Variants in FRMPD3 observed in about 807,000 individuals in gnomAD.
FRMPD3 encodes the protein FERM and PDZ domain containing 3.
A neutral mutation model predicts 97.9 loss-of-function variants in FRMPD3; 42 were observed. The observed-to-expected ratio is 0.43, with a 90% CI of 0.34 to 0.55. The LOEUF (loss-of-function observed/expected upper bound fraction) is 0.55, where lower values mean the gene tolerates loss of function less well. Among genes scored for constraint, FRMPD3 ranks in the 20% least tolerant of loss-of-function variants. FRMPD3 has a pLI of 0.03. For missense variants in FRMPD3, 1,303 were observed against 1,457.7 expected (o/e 0.89, Z 1.73); for synonymous variants, 577 against 581.1 (o/e 0.99, Z 0.10).
chrX:107,600,470 C>T lies in FRMPD3; in HGVS notation c.2431C>T (p.Arg811Cys), dbSNP rs542524568. The T allele has an allele frequency of 4.6e-5, 55 of 1,208,452 alleles. No individual in the cohort carries two copies. The South Asian group carries it at 7.4e-4, about 16-fold the overall frequency. The stretch of plus-strand genomic sequence containing the variant: ...CCTCAACAAGGACAGCCTCCTTGCC[C>T]GCAAGGACCTGCCCTTCCGGATCCA... ...QHLNKDSLLA[R>C]KDLPFRIQSC... Residue 811 changes from arginine (R) to cysteine (C), a missense_variant, in exon 15 of 15, where the codon CGC becomes TGC. Physicochemically the swap from Arg to Cys is radical, Grantham distance 180. This residue lies in a region of FRMPD3 where 764 missense variants were observed against 820.2 expected (regional missense o/e 0.93). Coordinates refer to ENST00000683843, the MANE Select transcript of FRMPD3 (RefSeq NM_001388459.1).
At chrX:107,469,871 T>C (rs1718573499) in intron 1 of FRMPD3, among the ~76,000 whole-genome samples, 1 of 112,207 alleles carries the variant, frequency 8.9e-6, no homozygotes, top group African/African-American at 3.2e-5. Flanking sequence ...CTGCCCTTAA[T>C]TTGTATATTT....
rs1332114072 is a variant in FRMPD3 at position 107,601,475 on chromosome X, A to C, written c.3436A>C (p.Ser1146Arg). ...CTGCCAGTCAAGAAGCCACAGCCCC[A>C]GCTGCCAGCCTCATGGCCACAGCCC... is the stretch of plus-strand genomic sequence containing the variant. Reference protein sequence around the residue: ...PSCQSRSHSPSCQPHGHSPSS... With the variant: ...PSCQSRSHSPRCQPHGHSPSS... Residue 1146 changes from serine (S) to arginine (R), a missense_variant, in exon 15 of 15, where the codon AGC becomes CGC. Ser to Arg is a moderately radical substitution (Grantham distance 110, BLOSUM62 -1). This residue lies in a region of FRMPD3 where 764 missense variants were observed against 820.2 expected (regional missense o/e 0.93). Transcript: ENST00000683843. 8.5e-7 allele frequency: 1 copy of C among 1,170,805 alleles called. No individual in the cohort carries two copies. Among genetic ancestry groups the C allele is most frequent in the Non-Finnish European group, 1.1e-6 (1 of 875,629 alleles).
intron 1 of FRMPD3, among the ~76,000 whole-genome samples, chrX:107,517,578 G>C (rs958732876): frequency 9.1e-6 from 1 of 110,118 alleles, no homozygotes; most frequent in African/African-American, 3.3e-5. Flanking sequence ...TGGCCAACAT[G>C]GCAAAACCTT....
At chrX:107,506,859 G>A (rs1922042579) in intron 1 of FRMPD3, among the ~76,000 whole-genome samples, 1 of 112,076 alleles carries the variant, frequency 8.9e-6, no homozygotes, top group Non-Finnish European at 1.9e-5. Flanking sequence ...GGTTTCTAAG[G>A]CAGGTTTCTA....
chrX:107,527,839 C>A (rs772982810), intron 2 of FRMPD3, among the ~76,000 whole-genome samples: 18 of 111,062 alleles, frequency 1.6e-4, no homozygotes, highest in African/African-American at 2.3e-4. Context: ...GGAAAAAAAA[C>A]ACACACACAC....
chrX:107,497,934 A>G lies in FRMPD3; in HGVS notation c.-7-28648A>G, dbSNP rs191940541. Among the ~76,000 whole-genome samples, 13 of 111,386 alleles carry G rather than the reference A, an allele frequency of 1.2e-4. No individual in the cohort carries two copies. In the East Asian group the frequency reaches 3.7e-3, roughly 32 times the overall value. ...GTGTGTGCATGCACGTGCATGTGGC[A>G]TTGGGATTGTCACTCTATGGGAACT... On this transcript the variant is annotated intron_variant, in intron 1 of 14. Coordinates refer to ENST00000683843, the MANE Select transcript of FRMPD3 (RefSeq NM_001388459.1).
At chrX:107,587,116 T>A (rs903951968) in intron 13 of FRMPD3, among the ~76,000 whole-genome samples, 1 of 112,170 alleles carries the variant, frequency 8.9e-6, no homozygotes, top group African/African-American at 3.2e-5. Flanking sequence ...GAACTTGTTT[T>A]ATGAATCTGA....
At position 107,603,279 on chromosome X, in the gene FRMPD3, C is replaced by T. The variant is rs1229806725; in HGVS notation, c.5240C>T (p.Ala1747Val). 9.5e-7 allele frequency: 1 copy of T among 1,047,906 alleles called. No homozygotes were observed. The highest frequency in any genetic ancestry group is 3.7e-5 in the East Asian group (1 of 27,093). 86.4% of individuals were successfully genotyped at this position (1,047,906 alleles called of 1,213,427 possible). A position where few individuals can be genotyped will look rare whatever the true frequency, so the allele number is the denominator to read the frequency against. ...CAGCAGCAGCAGCAGGTGGCAGCAG[C>T]TGCAGGGGCAGCCACAGAGCATCCA... ...QQQQQQQVAA[A>V]AGAATEHPPG... The change falls in exon 15 of 15, where the codon GCT becomes GTT. Residue 1747 changes from alanine to valine, a missense_variant. Physicochemically the swap from Ala to Val is moderately conservative, Grantham distance 64 (BLOSUM62 0). Around this residue, in one of 3 missense-constraint regions of FRMPD3, gnomAD observed 764 missense variants for 820.2 expected, o/e 0.93. Coordinates refer to ENST00000683843, the MANE Select transcript of FRMPD3 (RefSeq NM_001388459.1).
chrX:107,465,262 AG>A (rs1420248745), intron 1 of FRMPD3, among the ~76,000 whole-genome samples: 1 of 111,195 alleles, frequency 9.0e-6, no homozygotes, highest in Non-Finnish European at 1.9e-5. Context: ...ACTGTATGTC[AG>A]GAGTTTGAGA....
rs1237716704 is a variant in FRMPD3, at chrX:107,601,902, G to A, written c.3863G>A (p.Gly1288Glu). ...CTCCGCAGCAGCCCTGTGCAGCAGGGGCCTGGCATGTCCCGTGAGCAGAGG... is the reference window on the plus strand; with the variant it reads ...CTCCGCAGCAGCCCTGTGCAGCAGGAGCCTGGCATGTCCCGTGAGCAGAGG... ...CQLRSSPVQQ[G>E]PGMSREQRRS... is the part of the protein sequence containing the mutation. Residue 1288 changes from glycine (G) to glutamate (E), a missense_variant, in exon 15 of 15, where the codon GGG (glycine) becomes GAG (glutamate). This residue lies in a region of FRMPD3 where 764 missense variants were observed against 820.2 expected (regional missense o/e 0.93). Coordinates refer to ENST00000683843, the MANE Select transcript of FRMPD3 (RefSeq NM_001388459.1). 1 of 1,197,422 alleles carries A rather than the reference G, an allele frequency of 8.4e-7. No homozygotes were observed. Among genetic ancestry groups the A allele is most frequent in the Admixed American group, 2.3e-5 (1 of 44,170 alleles).
At chrX:107,550,988 T>C (rs1472445316) in intron 6 of FRMPD3, among the ~76,000 whole-genome samples, 1 of 111,829 alleles carries the variant, frequency 8.9e-6, no homozygotes, top group African/African-American at 3.3e-5. Context: ...GTAAAGAAAC[T>C]CTTGGACCAA....
chrX:107,456,252 C>T (rs929867913), intron 1 of FRMPD3, among the ~76,000 whole-genome samples: 6 of 110,346 alleles, frequency 5.4e-5, no homozygotes, highest in Non-Finnish European at 1.1e-4. Flanking sequence ...CTAACCTGGT[C>T]TCCAATTCCT....
At chrX:107,583,627 T>A (rs1923500336) in intron 13 of FRMPD3, among the ~76,000 whole-genome samples, 1 of 111,736 alleles carries the variant, frequency 8.9e-6, no homozygotes, top group Admixed American at 9.5e-5. Flanking sequence ...CTGAGTCAAA[T>A]GGTATTTCTG....
At chrX:107,488,162 C>T (rs1428666630) in intron 1 of FRMPD3, among the ~76,000 whole-genome samples, 3 of 112,031 alleles carry the variant, frequency 2.7e-5, no homozygotes, top group Non-Finnish European at 5.6e-5. Context: ...TCAAGGCAAG[C>T]AGCTTATCAA....
At chrX:107,498,305 G>C (rs1921823265) in intron 1 of FRMPD3, among the ~76,000 whole-genome samples, 1 of 112,223 alleles carries the variant, frequency 8.9e-6, no homozygotes. Flanking sequence ...ACCACATTAG[G>C]TAGCAGTGGA....
intron 5 of FRMPD3, among the ~76,000 whole-genome samples, chrX:107,547,669 G>A (rs1033357331): frequency 1.8e-5 from 2 of 111,373 alleles, no homozygotes; most frequent in Non-Finnish European, 1.9e-5. Flanking sequence ...CCATGCTGCC[G>A]CCAGTATGGA....
Position 107,597,935 on chromosome X carries a change from C to T in FRMPD3, c.2056C>T (p.Arg686Trp), listed in dbSNP as rs753270547. The change falls in exon 14 of 15, where the codon CGG (arginine) becomes TGG (tryptophan). Residue 686 changes from arginine to tryptophan, a missense_variant. Around this residue, in one of 3 missense-constraint regions of FRMPD3, gnomAD observed 535 missense variants for 618.6 expected, o/e 0.86. Transcript: ENST00000683843. The part of the protein sequence containing the change: ...NSSDEDDPKR[R>W]AVQSQEQGRH... The stretch of plus-strand genomic sequence containing the variant: ...CTCTGATGAGGATGACCCCAAGCGC[C>T]GGGCTGTCCAGAGCCAGGAACAAGG... The T allele has an allele frequency of 2.4e-5, 29 of 1,210,715 alleles. No individual in the cohort carries two copies. The East Asian group carries it at 4.1e-4, about 17-fold the overall frequency.
intron 1 of FRMPD3, among the ~76,000 whole-genome samples, chrX:107,479,818 G>A (rs1201393634): frequency 4.5e-5 from 4 of 89,848 alleles, no homozygotes; most frequent in Non-Finnish European, 6.4e-5. Context: ...TTTATATTAT[G>A]TATATTTTAC....
At chrX:107,471,514 A>G (rs917552471) in intron 1 of FRMPD3, among the ~76,000 whole-genome samples, 9 of 110,743 alleles carry the variant, frequency 8.1e-5, no homozygotes, top group African/African-American at 2.6e-4. Flanking sequence ...TGTGTTCTCA[A>G]TGTTCAACTC....
Sources: allele counts gnomAD v4.1 joint callset (sites outside exome capture counted in the v4.1 genomes callset), GRCh38; gene constraint gnomAD v4.1.1; regional missense constraint gnomAD v4.1.1; transcripts MANE v1.5; gene names NCBI Gene and HGNC (gene_info 2026-07-23, HGNC 2026-07-21).